EPHA6: variants seen among roughly 807,000 people sequenced by gnomAD.
EPHA6 encodes the protein EPH receptor A6, also known as ephrin type-A receptor 6.
Under a neutral mutation model 112.0 loss-of-function variants are expected in EPHA6, and 50 were observed. The ratio of observed to expected loss-of-function variants is 0.45; its 90% CI spans 0.36 to 0.56. EPHA6 has a LOEUF of 0.56. Ranked by LOEUF, EPHA6 falls within the 20% of genes least tolerant of loss-of-function variation. The probability of loss-of-function intolerance (pLI) is 0.00; values close to 1 mark genes in which losing one functional copy is unlikely to be tolerated. For synonymous variants in EPHA6, 529 were observed against 490.7 expected (o/e 1.08, Z -1.03); for missense variants, 1,280 against 1,417.4 (o/e 0.90, Z 1.56).
chr3:96,825,934 T>A (rs1223670559), intron 1 of EPHA6, among the ~76,000 whole-genome samples: 1 of 151,902 alleles, frequency 6.6e-6, no homozygotes, highest in African/African-American at 2.4e-5. Context: ...CCTTTAATAA[T>A]TATTTAGTCA....
At chr3:97,591,658 A>T (rs2093545837) in intron 11 of EPHA6, among the ~76,000 whole-genome samples, 1 of 152,218 alleles carries the variant, frequency 6.6e-6, no homozygotes, top group Non-Finnish European at 1.5e-5. Context: ...CAAGTGTATT[A>T]AATTTTCATC....
chr3:97,590,769 A>C (rs983077075), intron 11 of EPHA6, among the ~76,000 whole-genome samples: 1 of 152,162 alleles, frequency 6.6e-6, no homozygotes, highest in Non-Finnish European at 1.5e-5. Context: ...TATTTTCCCT[A>C]TTGTAACAAT....
chr3:96,883,622 C>T (rs2037449328), intron 2 of EPHA6, among the ~76,000 whole-genome samples: 1 of 152,076 alleles, frequency 6.6e-6, no homozygotes, highest in African/African-American at 2.4e-5. Flanking sequence ...TAGTTTCATT[C>T]TCCTACATGT....
At chr3:97,550,635 C>G (rs74456483) in intron 11 of EPHA6, among the ~76,000 whole-genome samples, 15 of 152,220 alleles carry the variant, frequency 9.9e-5, no homozygotes, top group African/African-American at 3.4e-4. Flanking sequence ...CATCGAGAGC[C>G]TTGCTTGGGC....
rs77457501 is a variant in EPHA6 at position 97,525,553 on chromosome 3, A to C, written c.2201-6805A>C. ...ATTTTGATGGTGTCATGTTTGCTTC[A>C]TTCTTTGTTATTCATGTAGGCTTGC... On this transcript the variant is annotated intron_variant, in intron 10 of 17. Transcript: ENST00000389672. Among the ~76,000 whole-genome samples, 1,144 of 152,218 alleles carry C rather than the reference A, an allele frequency of 7.5e-3. 17 individuals carry two copies. Among genetic ancestry groups the C allele is most frequent in the Middle Eastern group, 0.01 (3 of 294 alleles).
intron 10 of EPHA6, among the ~76,000 whole-genome samples, chr3:97,515,182 C>T (rs1212970459): frequency 6.6e-6 from 1 of 152,140 alleles, no homozygotes; most frequent in Non-Finnish European, 1.5e-5. Context: ...CACTACTATC[C>T]AATTCTCCAA....
chr3:97,197,257 G>A (rs1387520387), intron 3 of EPHA6, among the ~76,000 whole-genome samples: 1 of 151,972 alleles, frequency 6.6e-6, no homozygotes, highest in Admixed American at 6.6e-5. Context: ...CCTCATGGCT[G>A]CCACAGCTAG....
intron 14 of EPHA6, among the ~76,000 whole-genome samples, chr3:97,681,463 C>A (rs2031856177): frequency 1.3e-5 from 2 of 152,006 alleles, no homozygotes. Flanking sequence ...AATTAAATAT[C>A]TTCCTATCAG....
In EPHA6 at chr3:97,555,138, C is replaced by A. The variant is rs192885398; in HGVS notation, c.2386+22595C>A. ...ATGTTCCCCTTCCTGTGTCCATGTG[C>A]TCTCATTGTTCAATTCCCATCTATG... On this transcript the variant is annotated intron_variant, in intron 11 of 17. Coordinates refer to ENST00000389672, the MANE Select transcript of EPHA6 (RefSeq NM_001080448.3). 3.6e-3 allele frequency among the ~76,000 whole-genome samples: 531 copies of A among 146,868 alleles called. 2 individuals are homozygous for A. Among genetic ancestry groups the A allele is most frequent in the Non-Finnish European group, 6.3e-3 (423 of 67,028 alleles).
At chr3:97,259,967 AT>A (rs202207039) in intron 5 of EPHA6, among the ~76,000 whole-genome samples, 1,827 of 151,970 alleles carry the variant, frequency 0.012, 41 homozygotes, top group African/African-American at 0.042. Context: ...CACCTGGCTA[AT>A]TTTTGTATTT....
intron 5 of EPHA6, among the ~76,000 whole-genome samples, chr3:97,326,361 A>T (rs1559885989): frequency 6.6e-6 from 1 of 151,774 alleles, no homozygotes; most frequent in African/African-American, 2.4e-5. Context: ...ATTTTAAATC[A>T]GCTACCCTTT....
At chr3:97,486,248 T>C (rs542014607) in intron 10 of EPHA6, among the ~76,000 whole-genome samples, 1 of 152,354 alleles carries the variant, frequency 6.6e-6, no homozygotes, top group East Asian at 1.9e-4. Context: ...TCTTTATTCA[T>C]CTTTGATTGT....
chr3:96,905,411 C>T (rs977037272), intron 2 of EPHA6, among the ~76,000 whole-genome samples: 3 of 151,574 alleles, frequency 2.0e-5, no homozygotes, highest in Non-Finnish European at 4.4e-5. Flanking sequence ...TTTTTCACTC[C>T]GTGGCACTTG....
In EPHA6 at chr3:97,226,383, C is replaced by T. The variant is rs1369792311; in HGVS notation, c.1234C>T (p.Arg412Ter). 1.9e-6 allele frequency: 3 copies of T among 1,613,440 alleles called. No homozygotes were observed. Among genetic ancestry groups the T allele is most frequent in the East Asian group, 2.2e-5 (1 of 44,840 alleles). ...CTGTCAGTGTGAAAAGGGTTATTTC[C>T]GAGCTGAAAAAGACCCACCTTCTAT... is the stretch of plus-strand genomic sequence containing the variant. ...SVCQCEKGYF[R>*]AEKDPPSMAC... The change falls in exon 4 of 18, where the codon CGA (arginine) becomes TGA (stop). Residue 412 changes from arginine to a stop codon, truncating the protein, a stop_gained. Transcript: ENST00000389672. LOFTEE classifies it high-confidence loss of function.
chr3:97,537,361 A>G (rs538139408), intron 11 of EPHA6, among the ~76,000 whole-genome samples: 9 of 152,164 alleles, frequency 5.9e-5, no homozygotes, highest in South Asian at 4.2e-4. Flanking sequence ...TTGACCAGGT[A>G]TTAGGCCCTA....
chr3:97,493,134 A>G (rs576207527), intron 10 of EPHA6, among the ~76,000 whole-genome samples: 1 of 152,314 alleles, frequency 6.6e-6, no homozygotes, highest in East Asian at 1.9e-4. Context: ...AAAGAAAAGT[A>G]AAAAAGAGTA....
chr3:97,760,521 T>A lies in EPHA6; in HGVS notation c.*11820T>A. ...AATAATGGAGATTGCTCTCCATTTT[T>A]TGCTGTTCTAGCATAGCCAAAAATA... On this transcript the variant is annotated 3_prime_UTR_variant, in exon 18 of 18. Transcript: ENST00000389672. 1 of 177,424 alleles carries A rather than the reference T, an allele frequency of 5.6e-6. No individual in the cohort carries two copies. Among genetic ancestry groups the A allele is most frequent in the Middle Eastern group, 2.2e-3 (1 of 462 alleles). 11.0% of individuals were successfully genotyped at this position (177,424 alleles called of 1,614,324 possible). A position where few individuals can be genotyped will look rare whatever the true frequency, so the allele number is the denominator to read the frequency against.
At chr3:97,416,150 G>A (rs1004883728) in intron 6 of EPHA6, among the ~76,000 whole-genome samples, 1 of 151,870 alleles carries the variant, frequency 6.6e-6, no homozygotes, top group Non-Finnish European at 1.5e-5. Flanking sequence ...AAAAAAAGTA[G>A]AAAGAATAAA....
chr3:97,628,296 A>G (rs1007762562), intron 13 of EPHA6, among the ~76,000 whole-genome samples: 1 of 151,998 alleles, frequency 6.6e-6, no homozygotes, highest in Non-Finnish European at 1.5e-5. Context: ...CATAAAAGAA[A>G]GAGAAAATCA....
Sources: gnomAD v4.1 joint callset for allele counts (sites outside exome capture counted in the v4.1 genomes callset) on GRCh38, gnomAD v4.1.1 for gene constraint, MANE v1.5 for transcripts, NCBI Gene and HGNC (gene_info 2026-07-23, HGNC 2026-07-21) for gene names.